SPIN1: variants seen among roughly 807,000 people sequenced by gnomAD.
The protein encoded by SPIN1 is spindlin-1.
A neutral mutation model predicts 26.0 loss-of-function variants in SPIN1; 3 were observed. The observed-to-expected ratio is 0.12, with a 90% confidence interval of 0.05 to 0.30. SPIN1 has a LOEUF of 0.30. Among genes scored for constraint, SPIN1 ranks in the 10% least tolerant of loss-of-function variants. The probability of loss-of-function intolerance (pLI) is 1.00; values close to 1 mark genes in which losing one functional copy is unlikely to be tolerated. For synonymous variants in SPIN1, 101 were observed against 116.5 expected (o/e 0.87, Z 0.86); for missense variants, 126 against 333.4 (o/e 0.38, Z 4.84).
In SPIN1 at chr9:88,404,932, A is replaced by AC. The variant is rs1394304952; in HGVS notation, c.-159+16394_-159+16395insC. ...TTTCGTCTCAAAAAAAAAAAAAACA[A>AC]AAAAAAAAAAACTAAGATACTCAGG... On this transcript the variant is annotated intron_variant, in intron 1 of 5. Transcript: ENST00000375859. Among the ~76,000 whole-genome samples the AC allele has an allele frequency of 2.7e-3, 385 of 143,062 alleles. 2 individuals carry two copies. Among genetic ancestry groups the AC allele is most frequent in the Middle Eastern group, 0.014 (4 of 282 alleles). The allele number at this position is 143,062 out of a possible 152,430, so 93.9% of individuals were successfully genotyped here. A position where few individuals can be genotyped will look rare whatever the true frequency, so the allele number is the denominator to read the frequency against.
At chr9:88,443,119 CAA>C (rs769488109) in intron 2 of SPIN1, among the ~76,000 whole-genome samples, 18 of 81,372 alleles carry the variant, frequency 2.2e-4, no homozygotes, top group African/African-American at 4.8e-4. Flanking sequence ...GACTCCATCT[CAA>C]AAAAAAAAAA....
chr9:88,395,885 A>G (rs1244108622), intron 1 of SPIN1, among the ~76,000 whole-genome samples: 1 of 151,962 alleles, frequency 6.6e-6, no homozygotes, highest in Non-Finnish European at 1.5e-5. Context: ...CATCTCTGCT[A>G]AAAATACAAA....
intron 5 of SPIN1, among the ~76,000 whole-genome samples, chr9:88,470,942 C>T (rs1268967042): frequency 1.3e-5 from 2 of 152,158 alleles, no homozygotes; most frequent in African/African-American, 4.8e-5. Context: ...TTCATATCCC[C>T]TGCCTATTTT....
intron 2 of SPIN1, among the ~76,000 whole-genome samples, chr9:88,441,236 C>T (rs778282767): frequency 6.6e-6 from 1 of 151,574 alleles, no homozygotes; most frequent in Non-Finnish European, 1.5e-5. Context: ...ACGGGATGTG[C>T]CTAGGTTAGA....
At chr9:88,412,319 A>G (rs910801511) in intron 1 of SPIN1, among the ~76,000 whole-genome samples, 1 of 151,968 alleles carries the variant, frequency 6.6e-6, no homozygotes, top group Non-Finnish European at 1.5e-5. Flanking sequence ...TCTCTAAGCA[A>G]CTCTGGTTTC....
chr9:88,428,726 C>T (rs1160342936), intron 2 of SPIN1, among the ~76,000 whole-genome samples: 1 of 151,876 alleles, frequency 6.6e-6, no homozygotes, highest in African/African-American at 2.4e-5. Context: ...TTTTTTATGG[C>T]ATATGGCATA....
chr9:88,441,953 CTTT>C (rs71356761), intron 2 of SPIN1, among the ~76,000 whole-genome samples: 5 of 94,372 alleles, frequency 5.3e-5, no homozygotes, highest in Admixed American at 3.3e-4. Flanking sequence ...CTATATTTTC[CTTT>C]TTTTTTTTTT....
At chr9:88,469,548 T>C (rs1232170131) in intron 5 of SPIN1, among the ~76,000 whole-genome samples, 1 of 152,168 alleles carries the variant, frequency 6.6e-6, no homozygotes, top group Non-Finnish European at 1.5e-5. Flanking sequence ...CTTGCTCTGT[T>C]GCTCAGGCTG....
intron 1 of SPIN1, among the ~76,000 whole-genome samples, chr9:88,422,172 T>A (rs554108991): frequency 1.3e-5 from 2 of 152,322 alleles, no homozygotes; most frequent in South Asian, 4.1e-4. Flanking sequence ...CTTGATAGTT[T>A]TAGCAACTAT....
chr9:88,455,309 A>G (rs59515505), intron 3 of SPIN1, among the ~76,000 whole-genome samples: 12,170 of 152,220 alleles, frequency 0.08, 1,544 homozygotes, highest in African/African-American at 0.27. Flanking sequence ...ATACAAAACT[A>G]GCCAGGCGTG....
At chr9:88,463,685 T>C (rs939328228) in intron 4 of SPIN1, among the ~76,000 whole-genome samples, 5 of 152,246 alleles carry the variant, frequency 3.3e-5, no homozygotes, top group Non-Finnish European at 7.3e-5. Flanking sequence ...TCTTTAGATA[T>C]CAAATGCTAA....
chr9:88,393,614 C>T (rs1486395409), intron 1 of SPIN1, among the ~76,000 whole-genome samples: 6 of 151,642 alleles, frequency 4.0e-5, no homozygotes, highest in Admixed American at 3.9e-4. Flanking sequence ...TGCCACCACA[C>T]CTAGCTAATT....
Position 88,462,618 on chromosome 9 carries a change from C to T in SPIN1, c.224C>T (p.Thr75Ile). The change falls in exon 4 of 6, where the codon ACC (threonine) becomes ATC (isoleucine). Residue 75 changes from threonine (T) to isoleucine (I), a missense_variant. Transcript: ENST00000375859. ...GNGPVTQWKG[T>I]VLDQVPVNPS... is the part of the protein sequence containing the mutation. ...GGCCCTGTTACCCAGTGGAAAGGAA[C>T]CGTTCTGGACCAGGTGCCTGTAAAT... The T allele has an allele frequency of 6.2e-7, 1 of 1,614,122 alleles. No homozygotes were observed. The highest frequency in any genetic ancestry group is 8.5e-7 in the Non-Finnish European group (1 of 1,180,014).
intron 4 of SPIN1, among the ~76,000 whole-genome samples, chr9:88,467,332 G>T (rs564212608): frequency 1.3e-4 from 20 of 152,238 alleles, no homozygotes; most frequent in Middle Eastern, 3.4e-3. Flanking sequence ...GAAAGGGAAG[G>T]TCTCTGCTTT....
intron 1 of SPIN1, among the ~76,000 whole-genome samples, chr9:88,407,960 T>C (rs1827344973): frequency 1.3e-5 from 2 of 151,732 alleles, no homozygotes; most frequent in Non-Finnish European, 2.9e-5. Context: ...ACAGATAGGG[T>C]TTCGCCATGT....
intron 1 of SPIN1, among the ~76,000 whole-genome samples, 193 bp downstream of exon 1, chr9:88,388,731 C>T (rs1826844643): frequency 1.3e-5 from 2 of 148,812 alleles, no homozygotes; most frequent in Admixed American, 1.3e-4. Context: ...CTGGGCGGGC[C>T]TGGGCCTCGG....
At chr9:88,458,987 A>G (rs941636285) in intron 3 of SPIN1, among the ~76,000 whole-genome samples, 3 of 152,230 alleles carry the variant, frequency 2.0e-5, no homozygotes, top group African/African-American at 7.2e-5. Context: ...GTTTGACCAC[A>G]TATCTGACTA....
chr9:88,394,895 C>T (rs1201906639), intron 1 of SPIN1, among the ~76,000 whole-genome samples: 3 of 150,484 alleles, frequency 2.0e-5, no homozygotes, highest in Admixed American at 6.6e-5. Context: ...CTGCAAGCTC[C>T]GCCTCCCGGG....
intron 1 of SPIN1, among the ~76,000 whole-genome samples, chr9:88,392,718 G>T (rs779257616): frequency 6.6e-6 from 1 of 151,800 alleles, no homozygotes; most frequent in Non-Finnish European, 1.5e-5. Context: ...GTATAGCAGG[G>T]GACGAGAACA....
Sources: gnomAD v4.1 joint callset for allele counts (sites outside exome capture counted in the v4.1 genomes callset) on GRCh38, gnomAD v4.1.1 for gene constraint, MANE v1.5 for transcripts, NCBI Gene and HGNC (gene_info 2026-07-23, HGNC 2026-07-21) for gene names.